Variants in RALGPS1 observed in about 807,000 individuals in gnomAD.
RALGPS1 encodes Ral GEF with PH domain and SH3 binding motif 1, also known as ras-specific guanine nucleotide-releasing factor RalGPS1.
In RALGPS1, 19 loss-of-function variants were observed where a neutral mutation model predicts 78.8. The observed-to-expected ratio is 0.24, with a 90% confidence interval of 0.17 to 0.35. The LOEUF is 0.35. RALGPS1 is among the 10% of genes least tolerant of loss of function. The probability of loss-of-function intolerance (pLI) is 1.00; values close to 1 mark genes in which losing one functional copy is unlikely to be tolerated. For missense variants in RALGPS1, 454 were observed against 688.3 expected, an observed-to-expected ratio of 0.66 and a Z score of 3.81; for synonymous variants, 228 against 256.3, an observed-to-expected ratio of 0.89 and a Z score of 1.06.
At chr9:127,054,817 A>T (rs558858521) in intron 7 of RALGPS1, among the ~76,000 whole-genome samples, 2 of 152,148 alleles carry the variant, frequency 1.3e-5, no homozygotes, top group Non-Finnish European at 2.9e-5. Flanking sequence ...CATCTCTGCA[A>T]ATATTCACAA....
At chr9:126,994,694 TC>T (rs2042578916) in intron 4 of RALGPS1, among the ~76,000 whole-genome samples, 2 of 151,876 alleles carry the variant, frequency 1.3e-5, no homozygotes, top group South Asian at 4.2e-4. Flanking sequence ...ACAAAGATAC[TC>T]CTCGAGAAGA....
chr9:127,120,546 G>A (rs892024201), intron 8 of RALGPS1, among the ~76,000 whole-genome samples: 1 of 152,190 alleles, frequency 6.6e-6, no homozygotes, highest in Admixed American at 6.5e-5. Context: ...GTCTCTGGCC[G>A]GGTGCAGTGG....
chr9:127,087,946 A>G (rs1416570917), intron 8 of RALGPS1: 1 of 152,654 alleles, frequency 6.6e-6, no homozygotes, highest in Non-Finnish European at 1.5e-5. Flanking sequence ...CAAAACTGCG[A>G]GTACATTATC....
At position 127,202,410 on chromosome 9, in the gene RALGPS1, C is replaced by T. The variant is rs146785326; in HGVS notation, c.1247+3344C>T. Among the ~76,000 whole-genome samples the T allele has an allele frequency of 6.6e-5, 10 of 152,216 alleles. No individual in the cohort carries two copies. In the East Asian group the frequency reaches 9.7e-4, roughly 15 times the overall value. ...ATGCCCAGTAGGTCCCCATAGTGTT[C>T]GGCCATAAAGAGCTTCCACACGGGA... On this transcript the variant is annotated intron_variant, in intron 14 of 18. Transcript: ENST00000259351.
At chr9:126,929,663 C>T (rs1047724157) in intron 1 of RALGPS1, among the ~76,000 whole-genome samples, 1 of 151,972 alleles carries the variant, frequency 6.6e-6, no homozygotes, top group African/African-American at 2.4e-5. Flanking sequence ...GGAGTTTCTC[C>T]ATGTTGGTCA....
chr9:127,169,075 C>T (rs1431269823), intron 10 of RALGPS1, among the ~76,000 whole-genome samples: 1 of 152,190 alleles, frequency 6.6e-6, no homozygotes, highest in Non-Finnish European at 1.5e-5. Context: ...TATGGCTTTC[C>T]CACATGGCGT....
chr9:126,939,018 A>C (rs972217307), intron 1 of RALGPS1, among the ~76,000 whole-genome samples: 1 of 152,152 alleles, frequency 6.6e-6, no homozygotes, highest in Admixed American at 6.5e-5. Flanking sequence ...GGTATCCACA[A>C]ATCTCTCCTT....
chr9:126,992,632 T>C (rs2042381817), intron 4 of RALGPS1, among the ~76,000 whole-genome samples: 1 of 152,246 alleles, frequency 6.6e-6, no homozygotes, highest in African/African-American at 2.4e-5. Flanking sequence ...TGATATTGCA[T>C]CACCTGAACT....
intron 7 of RALGPS1, among the ~76,000 whole-genome samples, chr9:127,054,246 T>G (rs2048530056): frequency 6.6e-6 from 1 of 152,244 alleles, no homozygotes; most frequent in South Asian, 2.1e-4. Flanking sequence ...CAGTGAGGCT[T>G]TTTTTCAAAA....
intron 7 of RALGPS1, among the ~76,000 whole-genome samples, chr9:127,060,473 A>G (rs2049110227): frequency 6.6e-6 from 1 of 152,174 alleles, no homozygotes; most frequent in South Asian, 2.1e-4. Context: ...GTTTAGAACT[A>G]TGCCTGACTC....
chr9:127,011,035 G>T (rs1409460243), intron 4 of RALGPS1, among the ~76,000 whole-genome samples: 1 of 152,092 alleles, frequency 6.6e-6, no homozygotes, highest in African/African-American at 2.4e-5. Flanking sequence ...AGGAGTCCTA[G>T]AGCTACTTCA....
At chr9:127,085,373 T>A (rs910605811) in intron 8 of RALGPS1, among the ~76,000 whole-genome samples, 1 of 152,180 alleles carries the variant, frequency 6.6e-6, no homozygotes, top group African/African-American at 2.4e-5. Context: ...ACTGATGGGA[T>A]AGGAGAGGAT....
chr9:127,050,716 C>T (rs2048233718), intron 6 of RALGPS1, among the ~76,000 whole-genome samples: 1 of 152,138 alleles, frequency 6.6e-6, no homozygotes, highest in Non-Finnish European at 1.5e-5. Context: ...AATGCTATGC[C>T]ATCCCGTGGG....
intron 4 of RALGPS1, among the ~76,000 whole-genome samples, chr9:127,033,650 G>A (rs761435994): frequency 6.6e-6 from 1 of 152,168 alleles, no homozygotes; most frequent in South Asian, 2.1e-4. Flanking sequence ...GCTCCACAAG[G>A]CACACACTGA....
chr9:127,025,551 T>G (rs1459907898), intron 4 of RALGPS1, among the ~76,000 whole-genome samples: 3 of 152,210 alleles, frequency 2.0e-5, no homozygotes, highest in Admixed American at 6.5e-5. Context: ...TTATGTGTGC[T>G]TTTTGCGATG....
chr9:127,006,505 G>A (rs1315093586), intron 4 of RALGPS1, among the ~76,000 whole-genome samples: 3 of 152,186 alleles, frequency 2.0e-5, no homozygotes, highest in Admixed American at 6.5e-5. Flanking sequence ...TTGACCAAAT[G>A]TCAAGGAGTG....
chr9:126,952,650 A>AGTGTGTGTGTGTGTGTGT (rs1486310137), intron 1 of RALGPS1, among the ~76,000 whole-genome samples: 3 of 71,030 alleles, frequency 4.2e-5, no homozygotes, highest in Non-Finnish European at 4.4e-5. Context: ...AGAGAGAGAG[A>AGTGTGTGTGTGTGTGTGT]GAGAGAGTGT....
chr9:127,000,042 C>G (rs920169967), intron 4 of RALGPS1, among the ~76,000 whole-genome samples: 1 of 152,148 alleles, frequency 6.6e-6, no homozygotes, highest in Non-Finnish European at 1.5e-5. Context: ...TCTATAGGAT[C>G]TGTCATGATG....
intron 1 of RALGPS1, among the ~76,000 whole-genome samples, chr9:126,948,320 A>G (rs2037476441): frequency 6.6e-6 from 1 of 152,202 alleles, no homozygotes; most frequent in Admixed American, 6.5e-5. Flanking sequence ...GTTTAAGACC[A>G]GCCTGGCCAA....
Sources: gnomAD v4.1 joint callset for allele counts (sites outside exome capture counted in the v4.1 genomes callset) on GRCh38, gnomAD v4.1.1 for gene constraint, MANE v1.5 for transcripts, NCBI Gene and HGNC (gene_info 2026-07-23, HGNC 2026-07-21) for gene names.